OR10K2: variants seen among roughly 807,000 people sequenced by gnomAD.
The protein encoded by OR10K2 is olfactory receptor 10K2.
For missense variants in OR10K2, 401 were observed against 367.1 expected, an observed-to-expected ratio of 1.09 and a Z score of -0.76; for synonymous variants, 169 against 146.4, an observed-to-expected ratio of 1.15 and a Z score of -1.11.
intron 1 of OR10K2, among the ~76,000 whole-genome samples, chr1:158,423,987 A>T (rs1376270899): frequency 6.6e-6 from 1 of 152,074 alleles, no homozygotes; most frequent in Non-Finnish European, 1.5e-5. Context: ...GAGAAGAATC[A>T]AACACCTATT....
At chr1:158,422,759 T>G (rs1483020041) in intron 1 of OR10K2, among the ~76,000 whole-genome samples, 1 of 152,034 alleles carries the variant, frequency 6.6e-6, no homozygotes, top group Non-Finnish European at 1.5e-5. Context: ...TGTCAGCTAC[T>G]AGGTCTGCAA....
In OR10K2 at chr1:158,421,994, C is replaced by T. The variant is rs118146321; in HGVS notation, c.-61-1067G>A. On this transcript the variant is annotated intron_variant, in intron 1 of 1. Transcript: ENST00000641042. The stretch of plus-strand genomic sequence containing the variant: ...TTCTGAAGCCTCCATTAAAATCTAC[C>T]TTTTTGAAAGCTTTCTTGCTACCTT... Among the ~76,000 whole-genome samples the T allele has an allele frequency of 1.8e-3, 278 of 152,058 alleles. 4 individuals are homozygous for T. The highest frequency in any genetic ancestry group is 0.018 in the South Asian group (86 of 4,820).
chr1:158,421,537 T>C (rs182587999), intron 1 of OR10K2, among the ~76,000 whole-genome samples: 1 of 152,264 alleles, frequency 6.6e-6, no homozygotes, highest in African/African-American at 2.4e-5. Flanking sequence ...GGAATATGTC[T>C]ACACTTTCTC....
At chr1:158,424,854 A>G (rs1655221542) in intron 1 of OR10K2, among the ~76,000 whole-genome samples, 1 of 151,928 alleles carries the variant, frequency 6.6e-6, no homozygotes. Context: ...CTCAGTTTTC[A>G]ACTTTGCTAT....
Position 158,419,733 on chromosome 1 carries a change from C to G in OR10K2, c.*195G>C, listed in dbSNP as rs1274433304. On this transcript the variant is annotated 3_prime_UTR_variant, in exon 2 of 2. Coordinates refer to ENST00000641042, the MANE Select transcript of OR10K2 (RefSeq NM_001004476.2). ...TCAAGTGATTCTCCTGTCTCAGGCT[C>G]CTGAGTAGCTGAGATTACAGGAGCC... 6 of 509,602 alleles carry G rather than the reference C, an allele frequency of 1.2e-5. No homozygotes were observed. Among genetic ancestry groups the G allele is most frequent in the East Asian group, 6.7e-5 (2 of 29,852 alleles). The allele number at this position is 509,602 out of a possible 1,614,324, so 31.6% of individuals were successfully genotyped here. A position where few individuals can be genotyped will look rare whatever the true frequency, so the allele number is the denominator to read the frequency against.
chr1:158,423,256 G>T (rs1209243678), intron 1 of OR10K2, among the ~76,000 whole-genome samples: 4 of 148,630 alleles, frequency 2.7e-5, no homozygotes, highest in African/African-American at 7.4e-5. Context: ...TAGGTGGTTG[G>T]CATATTTATT....
At position 158,419,767 on chromosome 1, in the gene OR10K2, C is replaced by T. The variant is rs1426319735; in HGVS notation, c.*161G>A. On this transcript the variant is annotated 3_prime_UTR_variant, in exon 2 of 2. Coordinates refer to ENST00000641042, the MANE Select transcript of OR10K2 (RefSeq NM_001004476.2). ...CTGAGATTACAGGAGCCCACCACAGCATCCGGTTAATTTGTATATTTTTTG... is the reference window on the plus strand; with the variant it reads ...CTGAGATTACAGGAGCCCACCACAGTATCCGGTTAATTTGTATATTTTTTG... The T allele has an allele frequency of 6.7e-6, 4 of 594,196 alleles. No homozygotes were observed. The highest frequency in any genetic ancestry group is 1.2e-5 in the Non-Finnish European group (4 of 334,654). 36.8% of individuals were successfully genotyped at this position (594,196 alleles called of 1,614,324 possible).
At position 158,419,812 on chromosome 1, in the gene OR10K2, A is replaced by G; in HGVS notation, c.*116T>C. The G allele has an allele frequency of 1.3e-6, 1 of 760,270 alleles. No homozygotes were observed. The highest frequency in any genetic ancestry group is 2.1e-6 in the Non-Finnish European group (1 of 466,344). 47.1% of individuals were successfully genotyped at this position (760,270 alleles called of 1,614,324 possible). Reference sequence around the variant, plus strand: ...TTTTTGGTAGAGATAGGATTTCACTATGTTGGCCAGGCTGGTCTTGAAGTC... The same window carrying G: ...TTTTTGGTAGAGATAGGATTTCACTGTGTTGGCCAGGCTGGTCTTGAAGTC... On this transcript the variant is annotated 3_prime_UTR_variant, in exon 2 of 2. Transcript: ENST00000641042.
chr1:158,424,274 T>C (rs1211761344), intron 1 of OR10K2, among the ~76,000 whole-genome samples: 2 of 152,064 alleles, frequency 1.3e-5, no homozygotes, highest in Non-Finnish European at 2.9e-5. Context: ...GACACACTAA[T>C]TATTCTCCCT....
In OR10K2 at chr1:158,420,296, G is replaced by A. The variant is rs888927834; in HGVS notation, c.571C>T (p.His191Tyr). Residue 191 changes from histidine (H) to tyrosine (Y), a missense_variant, in exon 2 of 2, where the codon CAT (histidine) becomes TAT (tyrosine). His to Tyr is a moderately conservative substitution (Grantham distance 83). Coordinates refer to ENST00000641042, the MANE Select transcript of OR10K2 (RefSeq NM_001004476.2). ...IAPVLKLASH[H>Y]NHFSQIVIFM... ...ATGACAATCTGACTAAAGTGGTTAT[G>A]GTGAGATGCCAGCTTGAGGACAGGA... 3.1e-6 allele frequency: 5 copies of A among 1,613,720 alleles called. No individual in the cohort carries two copies. The African/African-American group carries it at 5.3e-5, about 17-fold the overall frequency.
At chr1:158,422,695 A>G (rs7555288) in intron 1 of OR10K2, among the ~76,000 whole-genome samples, 68,577 of 151,788 alleles carry the variant, frequency 0.45, 15,978 homozygotes, top group African/African-American at 0.48. Context: ...AAGAACCACC[A>G]AATCAAGAAT....
chr1:158,420,753 A>G lies in OR10K2; in HGVS notation c.114T>C (p.Thr38=), dbSNP rs1355027210. ...FVIFLLLYLF[T]LGTNAIIIST... ...AAATGATGATTGCATTGGTGCCCAG[A>G]GTGAACAGGTAGAGGAGCAGGAAGA... Residue 38 remains threonine, a synonymous_variant, in exon 2 of 2, where the codon ACT becomes ACC. Transcript: ENST00000641042. The G allele has an allele frequency of 3.7e-6, 6 of 1,613,738 alleles. No individual in the cohort carries two copies. Among genetic ancestry groups the G allele is most frequent in the Non-Finnish European group, 5.1e-6 (6 of 1,179,828 alleles).
In OR10K2 at chr1:158,426,189, G is replaced by A. The variant is rs1003096850; in HGVS notation, c.-318C>T. On this transcript the variant is annotated 5_prime_UTR_variant, in exon 1 of 2. Coordinates refer to ENST00000641042, the MANE Select transcript of OR10K2 (RefSeq NM_001004476.2). ...ACAGGCTACTGATATTTACTCAGAG[G>A]TAGAGATGTGATGATGGTCTATGGT... The A allele has an allele frequency of 6.6e-6, 1 of 152,118 alleles. No individual in the cohort carries two copies. Among genetic ancestry groups the A allele is most frequent in the African/African-American group, 2.4e-5 (1 of 41,436 alleles). 9.4% of individuals were successfully genotyped at this position (152,118 alleles called of 1,614,324 possible). A position where few individuals can be genotyped will look rare whatever the true frequency, so the allele number is the denominator to read the frequency against.
chr1:158,419,899 ACTGCAC>A lies in OR10K2; in HGVS notation c.*23_*28del. 1 of 1,580,608 alleles carries A rather than the reference ACTGCAC, an allele frequency of 6.3e-7. No individual in the cohort carries two copies. Among genetic ancestry groups the A allele is most frequent in the Non-Finnish European group, 8.6e-7 (1 of 1,161,152 alleles). ...AATGCTGGGATTACAGTCGTGAGAA[ACTGCAC>A]CTGGCCAGAATCAAGATTAATTTTA... is the stretch of plus-strand genomic sequence containing the variant. On this transcript the variant is annotated 3_prime_UTR_variant, in exon 2 of 2. Transcript: ENST00000641042.
At chr1:158,422,480 G>A (rs1443799044) in intron 1 of OR10K2, among the ~76,000 whole-genome samples, 3 of 152,012 alleles carry the variant, frequency 2.0e-5, no homozygotes, top group Non-Finnish European at 4.4e-5. Flanking sequence ...ACTGAAGAGA[G>A]CATCTGGTCA....
At chr1:158,423,736 G>C (rs939924389) in intron 1 of OR10K2, among the ~76,000 whole-genome samples, 12 of 151,960 alleles carry the variant, frequency 7.9e-5, no homozygotes, top group African/African-American at 2.7e-4. Flanking sequence ...AAATTTAAGA[G>C]AAATTATTCT....
intron 1 of OR10K2, among the ~76,000 whole-genome samples, chr1:158,424,442 A>G (rs1415079965): frequency 6.6e-6 from 1 of 151,978 alleles, no homozygotes; most frequent in African/African-American, 2.4e-5. Context: ...ATTGCTTTTG[A>G]TGTTTCCAGG....
chr1:158,421,596 T>C (rs1299283772), intron 1 of OR10K2, among the ~76,000 whole-genome samples: 1 of 152,166 alleles, frequency 6.6e-6, no homozygotes, highest in Non-Finnish European at 1.5e-5. Flanking sequence ...CCACAATCTT[T>C]CTTCAGGATT....
chr1:158,423,499 T>C (rs969492381), intron 1 of OR10K2, among the ~76,000 whole-genome samples: 1 of 151,946 alleles, frequency 6.6e-6, no homozygotes, highest in African/African-American at 2.4e-5. Context: ...ATTTGTATGA[T>C]AAGAATAATT....
Sources: allele counts gnomAD v4.1 joint callset (sites outside exome capture counted in the v4.1 genomes callset), GRCh38; gene constraint gnomAD v4.1.1; transcripts MANE v1.5; gene names NCBI Gene and HGNC (gene_info 2026-07-23, HGNC 2026-07-21).